CCSER2: variants seen among roughly 807,000 people sequenced by gnomAD.
CCSER2 encodes serine-rich coiled-coil domain-containing protein 2.
CCSER2 carries 46 observed loss-of-function variants against 92.3 expected under a neutral mutation model. The observed-to-expected ratio is 0.50, with a 90% CI of 0.39 to 0.64. The LOEUF (loss-of-function observed/expected upper bound fraction) is 0.64, where lower values mean the gene tolerates loss of function less well. CCSER2 is among the 30% of genes least tolerant of loss of function. The pLI is 0.00. For synonymous variants in CCSER2, 433 were observed against 431.4 expected (o/e 1.00, Z -0.04); for missense variants, 1,244 against 1,238.9 (o/e 1.00, Z -0.06).
At chr10:84,481,914 T>C (rs1461113979) in intron 9 of CCSER2, among the ~76,000 whole-genome samples, 1 of 152,152 alleles carries the variant, frequency 6.6e-6, no homozygotes, top group African/African-American at 2.4e-5. Flanking sequence ...TGTAGTAGCC[T>C]GTAGCTACAT....
chr10:84,382,663 T>C, intron 3 of CCSER2, among the ~76,000 whole-genome samples: 1 of 152,234 alleles, frequency 6.6e-6, no homozygotes. Context: ...TAGGAGGTGA[T>C]AATTTTAAAT....
chr10:84,416,519 T>G (rs527803812), intron 3 of CCSER2, among the ~76,000 whole-genome samples: 1 of 152,334 alleles, frequency 6.6e-6, no homozygotes, highest in East Asian at 1.9e-4. Flanking sequence ...CTAGTTACTT[T>G]TAGTCTTTGG....
intron 6 of CCSER2, 115 bp from the exon 7 acceptor site, chr10:84,463,818 C>T (rs766800891): frequency 1.7e-5 from 11 of 632,540 alleles, no homozygotes; most frequent in Non-Finnish European, 2.5e-5. Context: ...TGTTCTTCAC[C>T]ATGCTAGCAT....
intron 9 of CCSER2, among the ~76,000 whole-genome samples, chr10:84,486,146 A>T (rs1286255952): frequency 2.0e-5 from 3 of 152,050 alleles, no homozygotes; most frequent in Admixed American, 1.3e-4. Flanking sequence ...TCTATCATTG[A>T]TGGACATTTG....
At chr10:84,341,801 C>T (rs1844202636) in intron 1 of CCSER2, among the ~76,000 whole-genome samples, 1 of 152,124 alleles carries the variant, frequency 6.6e-6, no homozygotes, top group Non-Finnish European at 1.5e-5. Context: ...CTTAGGGAAA[C>T]ACTTCACTTA....
At chr10:84,451,695 T>C (rs956850745) in intron 6 of CCSER2, among the ~76,000 whole-genome samples, 13 of 152,260 alleles carry the variant, frequency 8.5e-5, no homozygotes, top group African/African-American at 3.1e-4. Context: ...AATAAAAAAT[T>C]TAAACAGAAA....
At chr10:84,396,908 A>C (rs1261168078) in intron 3 of CCSER2, among the ~76,000 whole-genome samples, 2 of 152,022 alleles carry the variant, frequency 1.3e-5, no homozygotes, top group African/African-American at 2.4e-5. Context: ...TTATTCAATT[A>C]CTCTCCCAAC....
rs545503841 is a variant in CCSER2, at chr10:84,476,723, G to A, written c.2236-852G>A. Reference sequence around the variant, plus strand: ...CTCCCAAAGTGCTGGGATTACAGGCGTGAGCCACCGTGCCTGGCCGGGAGA... The same window carrying A: ...CTCCCAAAGTGCTGGGATTACAGGCATGAGCCACCGTGCCTGGCCGGGAGA... On this transcript the variant is annotated intron_variant, in intron 8 of 9. Coordinates refer to ENST00000372088, the MANE Select transcript of CCSER2 (RefSeq NM_001284240.2). Among the ~76,000 whole-genome samples, 10 of 152,190 alleles carry A rather than the reference G, an allele frequency of 6.6e-5. No individual in the cohort carries two copies. The East Asian group carries it at 1.5e-3, about 24-fold the overall frequency.
chr10:84,502,481 C>CGAGAA (rs1291637276), intron 9 of CCSER2, among the ~76,000 whole-genome samples: 2 of 151,160 alleles, frequency 1.3e-5, no homozygotes, highest in East Asian at 4.0e-4. Context: ...ACGCCATTCT[C>CGAGAA]CTGCCTCAGC....
At chr10:84,448,184 C>A (rs1470985125) in intron 6 of CCSER2, among the ~76,000 whole-genome samples, 1 of 152,092 alleles carries the variant, frequency 6.6e-6, no homozygotes. Context: ...CATTTTGGAT[C>A]TGAAACCTGG....
At chr10:84,496,722 T>G (rs1178359789) in intron 9 of CCSER2, among the ~76,000 whole-genome samples, 1 of 152,138 alleles carries the variant, frequency 6.6e-6, no homozygotes, top group African/African-American at 2.4e-5. Context: ...GTGTGCAGGC[T>G]TTCTTAAATT....
At position 84,516,688 on chromosome 10, in the gene CCSER2, C is replaced by G. The variant is rs1418018517; in HGVS notation, c.*2421C>G. The G allele has an allele frequency of 1.3e-4, 20 of 152,032 alleles. No individual in the cohort carries two copies. The highest frequency in any genetic ancestry group is 1.3e-3 in the Admixed American group (20 of 15,240). The allele number at this position is 152,032 out of a possible 1,614,324, so 9.4% of individuals were successfully genotyped here. A position where few individuals can be genotyped will look rare whatever the true frequency, so the allele number is the denominator to read the frequency against. On this transcript the variant is annotated 3_prime_UTR_variant, in exon 10 of 10. Transcript: ENST00000372088. ...TGTCCATTACATAAAAATGTTGACT[C>G]CAGTAATTTATTTTTCTCTATTTTT...
chr10:84,355,830 C>G (rs1845137037), intron 1 of CCSER2, among the ~76,000 whole-genome samples: 1 of 152,188 alleles, frequency 6.6e-6, no homozygotes, highest in Non-Finnish European at 1.5e-5. Flanking sequence ...TGGCTGGGCA[C>G]TGTGGCTCAC....
At position 84,517,085 on chromosome 10, in the gene CCSER2, C is replaced by G. The variant is rs1456289475; in HGVS notation, c.*2818C>G. On this transcript the variant is annotated 3_prime_UTR_variant, in exon 10 of 10. Coordinates refer to ENST00000372088, the MANE Select transcript of CCSER2 (RefSeq NM_001284240.2). ...ATGTAAATCAACTCTGTGCCAAATCCTCCTCCACAAACCATTTATTGTCTT... is the reference window on the plus strand; with the variant it reads ...ATGTAAATCAACTCTGTGCCAAATCGTCCTCCACAAACCATTTATTGTCTT... 1.3e-5 allele frequency: 2 copies of G among 152,118 alleles called. No homozygotes were observed. Among genetic ancestry groups the G allele is most frequent in the Non-Finnish European group, 2.9e-5 (2 of 67,998 alleles). The allele number at this position is 152,118 out of a possible 1,614,324, so 9.4% of individuals were successfully genotyped here. A position where few individuals can be genotyped will look rare whatever the true frequency, so the allele number is the denominator to read the frequency against.
At chr10:84,457,374 A>ATATATT (rs1845787270) in intron 6 of CCSER2, among the ~76,000 whole-genome samples, 1 of 95,848 alleles carries the variant, frequency 1.0e-5, no homozygotes, top group African/African-American at 4.3e-5. Flanking sequence ...TTTTAAATAT[A>ATATATT]TATTTTAAAT....
chr10:84,335,072 A>G (rs966172087), intron 1 of CCSER2, among the ~76,000 whole-genome samples: 2 of 152,110 alleles, frequency 1.3e-5, no homozygotes, highest in Non-Finnish European at 2.9e-5. Flanking sequence ...GAGAATAGAA[A>G]TGCAAGGCAT....
intron 1 of CCSER2, among the ~76,000 whole-genome samples, chr10:84,358,537 AAGATCACCTG>A (rs1037306798): frequency 6.6e-6 from 1 of 151,686 alleles, no homozygotes; most frequent in African/African-American, 2.4e-5. Context: ...CTGAGATGGG[AAGATCACCTG>A]AGCTCAGGAG....
chr10:84,429,613 CA>C (rs1156694112), intron 5 of CCSER2, among the ~76,000 whole-genome samples: 1 of 145,652 alleles, frequency 6.9e-6, no homozygotes, highest in African/African-American at 2.6e-5. Context: ...CTGCCACCAC[CA>C]CCCCCCCCAG....
intron 1 of CCSER2, among the ~76,000 whole-genome samples, chr10:84,368,422 CTTAG>C (rs962621771): frequency 2.0e-5 from 3 of 151,666 alleles, no homozygotes; most frequent in Non-Finnish European, 2.9e-5. Context: ...ATATATATCT[CTTAG>C]TTGTTGGTAA....
Sources: gnomAD v4.1 joint callset for allele counts (sites outside exome capture counted in the v4.1 genomes callset) on GRCh38, gnomAD v4.1.1 for gene constraint, MANE v1.5 for transcripts, NCBI Gene and HGNC (gene_info 2026-07-23, HGNC 2026-07-21) for gene names.